PLEKHA8: variants seen among roughly 807,000 people sequenced by gnomAD.
PLEKHA8 encodes the protein pleckstrin homology domain-containing family A member 8.
Under a neutral mutation model 68.2 loss-of-function variants are expected in PLEKHA8, and 36 were observed. That is an observed-to-expected ratio of 0.53 (90% CI 0.40 to 0.70). PLEKHA8 has a LOEUF of 0.70. PLEKHA8 is among the 30% of genes least tolerant of loss of function. The pLI is 0.00. For missense variants in PLEKHA8, 505 were observed against 615.4 expected (o/e 0.82, Z 1.90); for synonymous variants, 211 against 216.1 (o/e 0.98, Z 0.20).
intron 13 of PLEKHA8, among the ~76,000 whole-genome samples, chr7:30,120,706 T>C (rs1796682772): frequency 6.6e-6 from 1 of 152,224 alleles, no homozygotes; most frequent in Non-Finnish European, 1.5e-5. Flanking sequence ...TTAATGCATG[T>C]TCACTTGAGA....
chr7:30,082,412 G>A lies in PLEKHA8; in HGVS notation c.*3625G>A, dbSNP rs146395231. 1,027 of 985,370 alleles carry A rather than the reference G, an allele frequency of 1.0e-3. 5 individuals carry two copies. In the African/African-American group the frequency reaches 0.016, roughly 15 times the overall value. The allele number at this position is 985,370 out of a possible 1,614,324, so 61.0% of individuals were successfully genotyped here. On this transcript the variant is annotated 3_prime_UTR_variant, in exon 14 of 14. Coordinates refer to ENST00000449726, the MANE Select transcript of PLEKHA8 (RefSeq NM_001197026.2). ...TGGCACCACCTTAGCCCAGGGCTGC[G>A]TGCCTGATCAGTGGGGATTCTGTTC...
chr7:30,047,903 C>G lies in PLEKHA8; in HGVS notation c.385C>G (p.Gln129Glu), dbSNP rs1645292728. 1 of 1,607,188 alleles carries G rather than the reference C, an allele frequency of 6.2e-7. No homozygotes were observed. Among genetic ancestry groups the G allele is most frequent in the African/African-American group, 1.3e-5 (1 of 74,626 alleles). Residue 129 changes from glutamine to glutamate, a missense_variant, in exon 4 of 14, where the codon CAG (glutamine) becomes GAG (glutamate). Gln to Glu is a conservative substitution (Grantham distance 29). Transcript: ENST00000449726. ...AAGACTCTACTGTGACCTCCTTGTT[C>G]AGCAAGTAGATAAAACAAAAGAAGT... ...ELRLYCDLLV[Q>E]QVDKTKEVTT...
Position 30,082,820 on chromosome 7 carries a change from G to C in PLEKHA8, c.*4033G>C, listed in dbSNP as rs954219418. The C allele has an allele frequency of 3.2e-5, 32 of 985,224 alleles. No homozygotes were observed. In the African/African-American group the frequency reaches 5.6e-4, roughly 17 times the overall value. 61.0% of individuals were successfully genotyped at this position (985,224 alleles called of 1,614,324 possible). On this transcript the variant is annotated 3_prime_UTR_variant, in exon 14 of 14. Coordinates refer to ENST00000449726, the MANE Select transcript of PLEKHA8 (RefSeq NM_001197026.2). The stretch of plus-strand genomic sequence containing the variant: ...GAGAAACATCAGATCAGGCAATAGA[G>C]TCAGAGGGTCATGAGCAATAGACGA...
chr7:30,124,847 G>A (rs1325036839), intron 13 of PLEKHA8, among the ~76,000 whole-genome samples: 1 of 151,530 alleles, frequency 6.6e-6, no homozygotes, highest in Non-Finnish European at 1.5e-5. Context: ...AGGCACCCAT[G>A]ATCCTATCTT....
chr7:30,087,679 G>C (rs772327316), downstream of PLEKHA8, among the ~76,000 whole-genome samples: 8 of 152,144 alleles, frequency 5.3e-5, no homozygotes, highest in Non-Finnish European at 1.2e-4. Flanking sequence ...ACCTGTCATG[G>C]CCTTCCAAAC....
At chr7:30,056,346 T>G (rs893118072) in intron 9 of PLEKHA8, among the ~76,000 whole-genome samples, 32 of 129,070 alleles carry the variant, frequency 2.5e-4, no homozygotes, top group African/African-American at 9.3e-4. Context: ...AACATATATA[T>G]AATATATATA....
intron 12 of PLEKHA8, among the ~76,000 whole-genome samples, chr7:30,066,889 G>GGA (rs1307793969): frequency 6.6e-6 from 1 of 152,186 alleles, no homozygotes; most frequent in African/African-American, 2.4e-5. Flanking sequence ...TCACAGATAA[G>GGA]GAGAGATAAG....
intron 13 of PLEKHA8, 28 bp from the exon 14 acceptor site, chr7:30,078,562 C>T (rs758040685): frequency 6.2e-7 from 1 of 1,610,616 alleles, no homozygotes; most frequent in Admixed American, 1.7e-5. Context: ...AGACTTGATG[C>T]AGATTCTCAT....
At chr7:30,115,681 CAT>C (rs1796434477) in intron 13 of PLEKHA8, among the ~76,000 whole-genome samples, 48 of 145,730 alleles carry the variant, frequency 3.3e-4, no homozygotes, top group African/African-American at 1.2e-3. Context: ...TACATACGCA[CAT>C]ACATGCATAC....
intron 13 of PLEKHA8, among the ~76,000 whole-genome samples, chr7:30,122,321 T>C (rs893781549): frequency 2.6e-5 from 4 of 152,234 alleles, no homozygotes; most frequent in Non-Finnish European, 4.4e-5. Flanking sequence ...TTTGGCTTAC[T>C]TTCCACTGGG....
At position 30,028,815 on chromosome 7, in the gene PLEKHA8, G is replaced by T. The variant is rs1790412105; in HGVS notation, c.40+13G>T. The stretch of plus-strand genomic sequence containing the variant: ...AACTATCTGAGCGGTGAGTGGCCGT[G>T]CCGGGCCGGGGGCGCGCCGGGGGCC... On this transcript the variant is annotated intron_variant, in intron 1 of 13. Transcript: ENST00000449726. The T allele has an allele frequency of 6.3e-6, 8 of 1,263,978 alleles. No homozygotes were observed. Among genetic ancestry groups the T allele is most frequent in the African/African-American group, 1.5e-5 (1 of 64,920 alleles). The allele number at this position is 1,263,978 out of a possible 1,614,324, so 78.3% of individuals were successfully genotyped here.
chr7:30,075,926 A>AT (rs1415955701), intron 13 of PLEKHA8, among the ~76,000 whole-genome samples: 2 of 152,282 alleles, frequency 1.3e-5, no homozygotes, highest in East Asian at 3.9e-4. Flanking sequence ...CTCATAAAAA[A>AT]TTTTAGAAAT....
At chr7:30,129,617 G>A (rs924462149), downstream of PLEKHA8, 1 of 355,098 alleles carries the variant, frequency 2.8e-6, no homozygotes, top group Non-Finnish European at 5.2e-6. Flanking sequence ...ACTGCTATAA[G>A]AACTTTGGGT....
rs2127999287 is a variant in PLEKHA8 at position 30,079,159 on chromosome 7, G to A, written c.*372G>A. On this transcript the variant is annotated 3_prime_UTR_variant, in exon 14 of 14. Coordinates refer to ENST00000449726, the MANE Select transcript of PLEKHA8 (RefSeq NM_001197026.2). The stretch of plus-strand genomic sequence containing the variant: ...TGAAAATCAGCAAATTCCATATTAA[G>A]TACCATAATTCATAGCCAGTGTTTC... The A allele has an allele frequency of 6.9e-6, 7 of 1,014,886 alleles. No individual in the cohort carries two copies. Among genetic ancestry groups the A allele is most frequent in the Middle Eastern group, 5.0e-4 (1 of 2,016 alleles). 62.9% of individuals were successfully genotyped at this position (1,014,886 alleles called of 1,614,324 possible).
intron 13 of PLEKHA8, among the ~76,000 whole-genome samples, chr7:30,117,584 G>A (rs1796606136): frequency 6.6e-6 from 1 of 151,906 alleles, no homozygotes; most frequent in Non-Finnish European, 1.5e-5. Flanking sequence ...CACACCTGTA[G>A]TCCCAGATAC....
At chr7:30,040,530 G>A (rs1413505654) in intron 1 of PLEKHA8, among the ~76,000 whole-genome samples, 1 of 152,180 alleles carries the variant, frequency 6.6e-6, no homozygotes, top group African/African-American at 2.4e-5. Flanking sequence ...TTGAGGATAG[G>A]GGATGTGAAG....
intron 13 of PLEKHA8, among the ~76,000 whole-genome samples, chr7:30,105,128 T>C (rs1404432602): frequency 1.3e-5 from 2 of 152,032 alleles, no homozygotes; most frequent in East Asian, 1.9e-4. Context: ...TGCCCACTTA[T>C]AATCTGCTCA....
chr7:30,042,141 T>C (rs1312639327), intron 1 of PLEKHA8, among the ~76,000 whole-genome samples: 2 of 152,162 alleles, frequency 1.3e-5, no homozygotes, highest in Non-Finnish European at 2.9e-5. Flanking sequence ...AGCTGAGACA[T>C]TGGCCTTTTC....
chr7:30,096,071 G>T (rs1224225355), intron 13 of PLEKHA8, among the ~76,000 whole-genome samples: 1 of 152,158 alleles, frequency 6.6e-6, no homozygotes, highest in African/African-American at 2.4e-5. Flanking sequence ...GAAAGTCATT[G>T]GTAGCTTGAT....
Sources: gnomAD v4.1 joint callset for allele counts (sites outside exome capture counted in the v4.1 genomes callset) on GRCh38, gnomAD v4.1.1 for gene constraint, MANE v1.5 for transcripts, NCBI Gene and HGNC (gene_info 2026-07-23, HGNC 2026-07-21) for gene names.